Variants in KCNU1 observed in about 807,000 individuals in gnomAD.
KCNU1 encodes potassium calcium-activated channel subfamily U member 1.
A neutral mutation model predicts 126.8 loss-of-function variants in KCNU1; 93 were observed. The observed-to-expected ratio is 0.73, with a 90% CI of 0.62 to 0.87. The LOEUF (loss-of-function observed/expected upper bound fraction) is 0.87. Ranked by LOEUF, KCNU1 falls within the 40% of genes least tolerant of loss-of-function variation. The probability of loss-of-function intolerance (pLI) is 0.00; values close to 1 mark genes in which losing one functional copy is unlikely to be tolerated. For synonymous variants in KCNU1, 523 were observed against 494.2 expected (o/e 1.06, Z -0.77); for missense variants, 1,330 against 1,367.1 (o/e 0.97, Z 0.43).
chr8:36,882,068 C>T (rs1806505634), intron 19 of KCNU1, among the ~76,000 whole-genome samples: 1 of 152,168 alleles, frequency 6.6e-6, no homozygotes, highest in Non-Finnish European at 1.5e-5. Flanking sequence ...CATCTACAGC[C>T]TCTCCAAAAA....
At chr8:36,898,309 T>C (rs1585531613) in intron 19 of KCNU1, among the ~76,000 whole-genome samples, 1 of 150,968 alleles carries the variant, frequency 6.6e-6, no homozygotes, top group Middle Eastern at 3.4e-3. Flanking sequence ...CTCACATACA[T>C]AAACACGTGC....
At chr8:36,844,532 A>C (rs1805072946) in intron 16 of KCNU1, among the ~76,000 whole-genome samples, 1 of 152,210 alleles carries the variant, frequency 6.6e-6, no homozygotes, top group Non-Finnish European at 1.5e-5. Context: ...TAAGTCAGTA[A>C]ATACTCAGAA....
intron 19 of KCNU1, among the ~76,000 whole-genome samples, chr8:36,890,114 C>T (rs1806899359): frequency 6.6e-6 from 1 of 151,906 alleles, no homozygotes; most frequent in African/African-American, 2.4e-5. Flanking sequence ...AAAACTGAGG[C>T]AGTTTATCAC....
Position 36,785,174 on chromosome 8 carries a change from G to A in KCNU1, c.195+569G>A, listed in dbSNP as rs567654245. Among the ~76,000 whole-genome samples the A allele has an allele frequency of 5.3e-5, 8 of 152,290 alleles. No individual in the cohort carries two copies. The East Asian group carries it at 1.4e-3, about 26-fold the overall frequency. The stretch of plus-strand genomic sequence containing the variant: ...TTATACCCAAACAAGCTTAGCAGGA[G>A]TTGATGTTGTTGAATAACAGCTGGC... On this transcript the variant is annotated intron_variant, in intron 1 of 26. Transcript: ENST00000399881.
Position 36,918,912 on chromosome 8 carries a change from G to C in KCNU1, c.2596+15G>C. On this transcript the variant is annotated intron_variant, in intron 23 of 26. Transcript: ENST00000399881. ...TACTGAACTGAGTAAGTGGTGTTTC[G>C]AGGGGAAAATTCAATGGAGAAATTT... The C allele has an allele frequency of 6.5e-7, 1 of 1,538,922 alleles. No individual in the cohort carries two copies. Among genetic ancestry groups the C allele is most frequent in the Admixed American group, 1.7e-5 (1 of 58,610 alleles).
intron 22 of KCNU1, among the ~76,000 whole-genome samples, chr8:36,914,293 G>A (rs1258307930): frequency 2.0e-5 from 3 of 152,208 alleles, no homozygotes; most frequent in Non-Finnish European, 4.4e-5. Flanking sequence ...ATCTCCTGAG[G>A]TCACCTTATG....
Position 36,841,015 on chromosome 8 carries a change from T to C in KCNU1, c.1703+12T>C, listed in dbSNP as rs1429725933. 1 of 1,404,200 alleles carries C rather than the reference T, an allele frequency of 7.1e-7. No homozygotes were observed. The highest frequency in any genetic ancestry group is 1.0e-6 in the Non-Finnish European group (1 of 994,442). The allele number at this position is 1,404,200 out of a possible 1,614,324, so 87.0% of individuals were successfully genotyped here. A position where few individuals can be genotyped will look rare whatever the true frequency, so the allele number is the denominator to read the frequency against. Reference sequence around the variant, plus strand: ...ACGGATGGTTTCTGGTACCAATAAGTCTGCTCATCTCTTCAGTTGTTTTTT... The same window carrying C: ...ACGGATGGTTTCTGGTACCAATAAGCCTGCTCATCTCTTCAGTTGTTTTTT... On this transcript the variant is annotated intron_variant, in intron 16 of 26. Coordinates refer to ENST00000399881, the MANE Select transcript of KCNU1 (RefSeq NM_001031836.3).
chr8:36,883,991 G>A (rs371697342), intron 19 of KCNU1, among the ~76,000 whole-genome samples: 89 of 152,280 alleles, frequency 5.8e-4, no homozygotes, highest in African/African-American at 2.1e-3. Context: ...AGTGTGTTGG[G>A]TGTGGGGTTG....
intron 18 of KCNU1, among the ~76,000 whole-genome samples, chr8:36,850,737 A>C (rs545341943): frequency 5.3e-5 from 8 of 152,228 alleles, no homozygotes; most frequent in African/African-American, 1.7e-4. Flanking sequence ...GATTACAGGC[A>C]TGAGCCGATG....
intron 22 of KCNU1, among the ~76,000 whole-genome samples, chr8:36,914,933 A>T (rs1052631859): frequency 6.6e-6 from 1 of 152,208 alleles, no homozygotes; most frequent in African/African-American, 2.4e-5. Flanking sequence ...GGTAACAAAA[A>T]TATTGACATT....
chr8:36,906,181 C>CTT (rs10650715), intron 20 of KCNU1, among the ~76,000 whole-genome samples: 113,909 of 145,764 alleles, frequency 0.78, 44,508 homozygotes, highest in East Asian at 0.9. Flanking sequence ...ACTCTGCAGT[C>CTT]TTTTTTTTTT....
intron 2 of KCNU1, among the ~76,000 whole-genome samples, chr8:36,796,049 T>A (rs188448777): frequency 2.4e-3 from 367 of 152,330 alleles, no homozygotes; most frequent in African/African-American, 8.6e-3. Context: ...TTTGGCTATA[T>A]CTCAGAGACT....
intron 23 of KCNU1, among the ~76,000 whole-genome samples, chr8:36,920,710 T>TTGTG (rs375262747): frequency 2.0e-5 from 3 of 151,844 alleles, no homozygotes; most frequent in Non-Finnish European, 4.4e-5. Flanking sequence ...CATGGGATAT[T>TTGTG]TGTGTGTGTG....
chr8:36,809,194 A>C (rs1803617878), intron 7 of KCNU1, among the ~76,000 whole-genome samples: 1 of 152,158 alleles, frequency 6.6e-6, no homozygotes, highest in Non-Finnish European at 1.5e-5. Context: ...TACTGTTGCA[A>C]AGGGGAGTTT....
At chr8:36,919,316 G>A (rs1808247735) in intron 23 of KCNU1, among the ~76,000 whole-genome samples, 1 of 151,814 alleles carries the variant, frequency 6.6e-6, no homozygotes, top group South Asian at 2.1e-4. Flanking sequence ...AGAGGCATGT[G>A]GGGTACAGAC....
chr8:36,840,217 G>A (rs188756524), intron 14 of KCNU1, among the ~76,000 whole-genome samples: 5 of 152,280 alleles, frequency 3.3e-5, no homozygotes, highest in African/African-American at 4.8e-5. Context: ...AAACTTGAAC[G>A]CCATCTGCAA....
intron 2 of KCNU1, among the ~76,000 whole-genome samples, chr8:36,791,842 T>C (rs1472800462): frequency 6.6e-6 from 1 of 152,180 alleles, no homozygotes; most frequent in Non-Finnish European, 1.5e-5. Flanking sequence ...AAAATAAACC[T>C]TTTCCACCAC....
At chr8:36,861,623 GA>G (rs1436710462) in intron 18 of KCNU1, among the ~76,000 whole-genome samples, 1 of 152,106 alleles carries the variant, frequency 6.6e-6, no homozygotes, top group Non-Finnish European at 1.5e-5. Flanking sequence ...CACTTTTTAG[GA>G]ATGTCACAAT....
intron 19 of KCNU1, among the ~76,000 whole-genome samples, chr8:36,866,047 G>C (rs1464004150): frequency 6.6e-6 from 1 of 151,980 alleles, no homozygotes; most frequent in East Asian, 1.9e-4. Context: ...GGGAGCTGTT[G>C]GTCAAAAGGT....
Sources: allele counts gnomAD v4.1 joint callset (sites outside exome capture counted in the v4.1 genomes callset), GRCh38; gene constraint gnomAD v4.1.1; transcripts MANE v1.5; gene names NCBI Gene and HGNC (gene_info 2026-07-23, HGNC 2026-07-21).